RBFOX1: variants seen among roughly 807,000 people sequenced by gnomAD.
RBFOX1 encodes the protein RNA binding fox-1 homolog 1, also known as RNA binding protein fox-1 homolog 1.
RBFOX1 carries 8 observed loss-of-function variants against 57.7 expected under a neutral mutation model. That is an observed-to-expected ratio of 0.14 (90% CI 0.08 to 0.25). RBFOX1 has a LOEUF of 0.25. Among genes scored for constraint, RBFOX1 ranks in the 10% least tolerant of loss-of-function variants. The pLI, the probability that RBFOX1 is intolerant of heterozygous loss-of-function variation, is 1.00. For missense variants in RBFOX1, 611 were observed against 548.5 expected, an observed-to-expected ratio of 1.11 and a Z score of -1.14; for synonymous variants, 326 against 222.4, an observed-to-expected ratio of 1.47 and a Z score of -4.15.
chr16:7,060,514 T>C (rs552524911), intron 4 of RBFOX1, among the ~76,000 whole-genome samples: 8 of 152,306 alleles, frequency 5.3e-5, no homozygotes, highest in Non-Finnish European at 1.2e-4. Context: ...TCCAGTTAAA[T>C]ACCTTCTGCC....
chr16:6,000,396 A>G (rs1008168587), intron 4 of RBFOX1, among the ~76,000 whole-genome samples: 1 of 152,296 alleles, frequency 6.6e-6, no homozygotes, highest in Non-Finnish European at 1.5e-5. Context: ...GATAGGAGGC[A>G]CTGTGGGGGC....
intron 3 of RBFOX1, among the ~76,000 whole-genome samples, chr16:6,796,622 TTC>T (rs760489645): frequency 1.1e-4 from 17 of 152,192 alleles, no homozygotes; most frequent in East Asian, 3.8e-4. Context: ...CAAAGGAACT[TTC>T]TCTCTGTCTC....
At chr16:6,616,290 G>C (rs933066222) in intron 2 of RBFOX1, among the ~76,000 whole-genome samples, 2 of 151,856 alleles carry the variant, frequency 1.3e-5, no homozygotes, top group Admixed American at 6.6e-5. Context: ...CAGTTTATTA[G>C]TTATATGCTA....
chr16:5,780,040 G>A (rs2054276719), intron 3 of RBFOX1, among the ~76,000 whole-genome samples: 2 of 152,232 alleles, frequency 1.3e-5, no homozygotes. Flanking sequence ...GTCTTGCTGT[G>A]TCGCCCCGGC....
chr16:7,014,319 C>A (rs993325832), intron 3 of RBFOX1, among the ~76,000 whole-genome samples: 1 of 151,794 alleles, frequency 6.6e-6, no homozygotes, highest in Non-Finnish European at 1.5e-5. Context: ...TTCAAGCAAT[C>A]CTCCCACGTC....
chr16:7,195,850 G>A (rs564901396), intron 4 of RBFOX1, among the ~76,000 whole-genome samples: 1 of 152,114 alleles, frequency 6.6e-6, no homozygotes, highest in Non-Finnish European at 1.5e-5. Context: ...ACTGTGCCCA[G>A]CTCGATGCTC....
At chr16:5,520,772 A>G (rs1450015710) in intron 2 of RBFOX1, among the ~76,000 whole-genome samples, 3 of 152,178 alleles carry the variant, frequency 2.0e-5, no homozygotes, top group African/African-American at 7.2e-5. Context: ...ATTTTGTCTG[A>G]TAGAATGTGA....
chr16:7,394,773 CTT>C (rs1182661817), intron 4 of RBFOX1, among the ~76,000 whole-genome samples: 1 of 152,168 alleles, frequency 6.6e-6, no homozygotes, highest in East Asian at 1.9e-4. Flanking sequence ...GCAAGTCACT[CTT>C]TTTTCCTGGT....
intron 3 of RBFOX1, among the ~76,000 whole-genome samples, chr16:6,847,808 GA>G (rs913563100): frequency 6.6e-6 from 1 of 151,972 alleles, no homozygotes; most frequent in African/African-American, 2.4e-5. Flanking sequence ...ATTTTACTAT[GA>G]AAAAAATTAT....
chr16:7,654,962 T>C (rs923543336), intron 12 of RBFOX1, among the ~76,000 whole-genome samples: 1 of 152,168 alleles, frequency 6.6e-6, no homozygotes, highest in African/African-American at 2.4e-5. Flanking sequence ...AATTCAGCGA[T>C]CCCCAGAAAG....
chr16:6,139,817 A>G (rs2096700641), intron 1 of RBFOX1, among the ~76,000 whole-genome samples: 1 of 151,990 alleles, frequency 6.6e-6, no homozygotes, highest in Non-Finnish European at 1.5e-5. Context: ...TTTTTATCCA[A>G]ATGCCATGTC....
intron 3 of RBFOX1, among the ~76,000 whole-genome samples, chr16:6,983,934 C>T (rs909042785): frequency 4.6e-5 from 7 of 152,274 alleles, no homozygotes; most frequent in African/African-American, 1.4e-4. Context: ...AGCACAGTCT[C>T]TGCAGTTTAC....
chr16:7,261,264 G>C (rs1258638762), intron 4 of RBFOX1, among the ~76,000 whole-genome samples: 1 of 152,178 alleles, frequency 6.6e-6, no homozygotes, highest in Non-Finnish European at 1.5e-5. Flanking sequence ...CATTAAAGGA[G>C]ACAGTATATG....
At chr16:7,486,078 A>T (rs1005268585) in intron 4 of RBFOX1, among the ~76,000 whole-genome samples, 14 of 149,324 alleles carry the variant, frequency 9.4e-5, no homozygotes, top group Middle Eastern at 3.5e-3. Flanking sequence ...TGTGTTTGCA[A>T]CTTCACTGTG....
intron 1 of RBFOX1, among the ~76,000 whole-genome samples, chr16:6,211,227 A>ATTTTTTTTTTTTT (rs140569689): frequency 2.9e-5 from 3 of 105,250 alleles, no homozygotes; most frequent in Non-Finnish European, 6.3e-5. Flanking sequence ...AATCTAGTTA[A>ATTTTTTTTTTTTT]CTTTTTTTTT....
At chr16:6,585,622 T>G (rs1299606925) in intron 2 of RBFOX1, among the ~76,000 whole-genome samples, 1 of 152,182 alleles carries the variant, frequency 6.6e-6, no homozygotes, top group Non-Finnish European at 1.5e-5. Context: ...GTGTTGCTGG[T>G]TAGATCAATG....
Position 6,097,134 on chromosome 16 carries a change from C to G in RBFOX1, c.-127+77142C>G, listed in dbSNP as rs373743439. On this transcript the variant is annotated intron_variant, in intron 1 of 15. Coordinates refer to ENST00000550418, the MANE Select transcript of RBFOX1 (RefSeq NM_018723.4). This position sits in a 1 kb window ranked among gnomAD's most constrained non-coding sequence, Gnocchi z 5.0. ...GTTTGATAAGGGGAAATCGCTTTCA[C>G]TTCGTTCTTATATTCTTTCCTGTCT... Among the ~76,000 whole-genome samples, 7 of 152,120 alleles carry G rather than the reference C, an allele frequency of 4.6e-5. No individual in the cohort carries two copies. Among genetic ancestry groups the G allele is most frequent in the African/African-American group, 1.7e-4 (7 of 41,430 alleles).
At chr16:6,114,199 C>T (rs1313879667) in intron 1 of RBFOX1, among the ~76,000 whole-genome samples, 1 of 152,114 alleles carries the variant, frequency 6.6e-6, no homozygotes, top group Non-Finnish European at 1.5e-5. Flanking sequence ...GGTTATTTTA[C>T]AGTTAGATTC....
chr16:7,212,311 A>G (rs868258773), intron 4 of RBFOX1, among the ~76,000 whole-genome samples: 2 of 152,102 alleles, frequency 1.3e-5, no homozygotes, highest in Non-Finnish European at 2.9e-5. Context: ...CTGTTCCAAT[A>G]TTGGGATGGT....
Sources: gnomAD v4.1 joint callset for allele counts (sites outside exome capture counted in the v4.1 genomes callset) on GRCh38, gnomAD v4.1.1 for gene constraint, Gnocchi (gnomAD v3.1) non-coding constraint, MANE v1.5 for transcripts, NCBI Gene and HGNC (gene_info 2026-07-23, HGNC 2026-07-21) for gene names.